SPANXN4: variants seen among roughly 807,000 people sequenced by gnomAD.
SPANXN4 encodes sperm protein associated with the nucleus on the X chromosome N4.
A neutral mutation model predicts 6.0 loss-of-function variants in SPANXN4; 5 were observed. The ratio of observed to expected loss-of-function variants is 0.83; its 90% confidence interval spans 0.44 to 1.75. The LOEUF is 1.75. SPANXN4 is among the 40% of genes most tolerant of loss of function. The probability of loss-of-function intolerance (pLI) is 0.02; values close to 1 mark genes in which losing one functional copy is unlikely to be tolerated. For missense variants in SPANXN4, 157 were observed against 108.6 expected (o/e 1.45, Z -1.98); for synonymous variants, 45 against 38.0 (o/e 1.19, Z -0.68).
downstream of SPANXN4, among the ~76,000 whole-genome samples, chrX:143,037,200 G>A (rs1295637279): frequency 1.8e-5 from 2 of 110,323 alleles, no homozygotes; most frequent in African/African-American, 3.3e-5. Flanking sequence ...AAAAAACCGA[G>A]GTAAACACTA....
chrX:143,036,793 T>G (rs141342034), downstream of SPANXN4, among the ~76,000 whole-genome samples: 2 of 111,549 alleles, frequency 1.8e-5, no homozygotes, highest in Admixed American at 9.6e-5. Context: ...CTTGTCAATA[T>G]CTGCAAAAAA....
chrX:143,032,192 G>T (rs1419689321), intron 1 of SPANXN4, among the ~76,000 whole-genome samples: 1 of 97,850 alleles, frequency 1.0e-5, no homozygotes, highest in African/African-American at 3.6e-5. Flanking sequence ...CTTGTGGAAA[G>T]AGATGGGATC....
chrX:143,032,486 G>GT (rs995551114), intron 1 of SPANXN4, among the ~76,000 whole-genome samples: 9 of 109,898 alleles, frequency 8.2e-5, no homozygotes, highest in Admixed American at 3.9e-4. Flanking sequence ...TGAGATAGGG[G>GT]TTTTTTTAAC....
intron 1 of SPANXN4, among the ~76,000 whole-genome samples, chrX:143,027,926 T>C (rs948219299): frequency 1.8e-5 from 2 of 110,884 alleles, no homozygotes; most frequent in African/African-American, 3.3e-5. Context: ...CTGTGGGAAA[T>C]TGGCATGGGC....
downstream of SPANXN4, among the ~76,000 whole-genome samples, chrX:143,038,184 A>G (rs778403922): frequency 1.0e-3 from 117 of 112,139 alleles, no homozygotes; most frequent in Non-Finnish European, 1.6e-3. Context: ...AAGCACTTGC[A>G]CTAGTGACAT....
chrX:143,033,786 G>A (rs1046025145), intron 1 of SPANXN4, among the ~76,000 whole-genome samples: 2 of 111,416 alleles, frequency 1.8e-5, no homozygotes, highest in African/African-American at 3.3e-5. Context: ...CACTTTGACC[G>A]AGGTCTGCAT....
chrX:143,029,664 T>C (rs764086362), intron 1 of SPANXN4, among the ~76,000 whole-genome samples: 1 of 110,244 alleles, frequency 9.1e-6, no homozygotes, highest in Admixed American at 9.7e-5. Flanking sequence ...AGGTTGAGAG[T>C]TTTATATCTC....
At chrX:143,028,920 G>A (rs1234748206) in intron 1 of SPANXN4, among the ~76,000 whole-genome samples, 1 of 111,889 alleles carries the variant, frequency 8.9e-6, no homozygotes, top group African/African-American at 3.3e-5. Context: ...AGTAGGGGCA[G>A]TAACTGGCAT....
exon 1 of SPANXN4, chrX:143,025,936 A>G: frequency 2.0e-6 from 2 of 1,006,893 alleles, no homozygotes; most frequent in South Asian, 4.3e-5. Flanking sequence ...GGGACAGCCC[A>G]CTGGAAAGCT....
downstream of SPANXN4, among the ~76,000 whole-genome samples, chrX:143,037,107 A>G (rs149121822): frequency 6.3e-5 from 7 of 111,631 alleles, no homozygotes; most frequent in Non-Finnish European, 5.7e-5. Flanking sequence ...TACAAGAAAC[A>G]ATAACATTGT....
At chrX:143,027,153 G>T (rs1157850681) in intron 1 of SPANXN4, among the ~76,000 whole-genome samples, 4 of 111,921 alleles carry the variant, frequency 3.6e-5, no homozygotes, top group Non-Finnish European at 7.5e-5. Flanking sequence ...AGAAGATGGG[G>T]GTTGAATTCT....
At chrX:143,032,993 C>A (rs1932819776) in intron 1 of SPANXN4, among the ~76,000 whole-genome samples, 1 of 111,754 alleles carries the variant, frequency 8.9e-6, no homozygotes, top group Non-Finnish European at 1.9e-5. Flanking sequence ...CCTGAGAAGG[C>A]AGGCTGCGGT....
At position 143,029,209 on chromosome X, in the gene SPANXN4, C is replaced by T. The variant is rs756894843; in HGVS notation, c.78+3117C>T. On this transcript the variant is annotated intron_variant, in intron 1 of 2. Coordinates refer to ENST00000370504, the Ensembl canonical transcript of SPANXN4. ...CCTTTCAATGGATAATGGTGGCCTG[C>T]GGTGGTAGGTTAGCCACCTCCAGCA... is the stretch of plus-strand genomic sequence containing the variant. 3.1e-4 allele frequency among the ~76,000 whole-genome samples: 35 copies of T among 111,440 alleles called. No individual in the cohort carries two copies. In the East Asian group the frequency reaches 8.0e-3, roughly 25 times the overall value.
chrX:143,028,108 T>TG (rs1266153524), intron 1 of SPANXN4, among the ~76,000 whole-genome samples: 1 of 111,164 alleles, frequency 9.0e-6, no homozygotes, highest in Non-Finnish European at 1.9e-5. Flanking sequence ...GAGAGTAATT[T>TG]GGGGGTGAGG....
chrX:143,028,809 C>G (rs1400636736), intron 1 of SPANXN4, among the ~76,000 whole-genome samples: 19 of 110,919 alleles, frequency 1.7e-4, no homozygotes, highest in Non-Finnish European at 5.7e-5. Flanking sequence ...GGTTTGATAG[C>G]TTCCTGAGGG....
At chrX:143,025,994 A>G (rs1451210860) in exon 1 of SPANXN4, 1 of 1,200,726 alleles carries the variant, frequency 8.3e-7, no homozygotes, top group South Asian at 1.8e-5. Context: ...TAGTACAGAA[A>G]TTCTACAACC....
chrX:143,029,000 G>A (rs1263233547), intron 1 of SPANXN4, among the ~76,000 whole-genome samples: 1 of 111,904 alleles, frequency 8.9e-6, no homozygotes. Flanking sequence ...TCATCATTGA[G>A]GTAGAACTAT....
chrX:143,030,345 A>G (rs943246759), intron 1 of SPANXN4, among the ~76,000 whole-genome samples: 1 of 111,303 alleles, frequency 9.0e-6, no homozygotes, highest in African/African-American at 3.3e-5. Flanking sequence ...TGTGGGTGAC[A>G]CCCGACATCC....
chrX:143,026,325 A>T (rs1346815201), intron 1 of SPANXN4, among the ~76,000 whole-genome samples: 1 of 111,524 alleles, frequency 9.0e-6, no homozygotes, highest in Non-Finnish European at 1.9e-5. Context: ...TGTTATGATC[A>T]GGCAGTTTGG....
Sources: allele counts gnomAD v4.1 joint callset (sites outside exome capture counted in the v4.1 genomes callset), GRCh38; gene constraint gnomAD v4.1.1; transcripts MANE v1.5; gene names NCBI Gene and HGNC (gene_info 2026-07-23, HGNC 2026-07-21).